TMCC1: variants seen among roughly 807,000 people sequenced by gnomAD.
TMCC1 encodes the protein transmembrane and coiled-coil domains protein 1.
TMCC1 carries 15 observed loss-of-function variants against 52.4 expected under a neutral mutation model. The ratio of observed to expected loss-of-function variants is 0.29; its 90% confidence interval spans 0.19 to 0.44. The LOEUF (loss-of-function observed/expected upper bound fraction) is 0.44. Among genes scored for constraint, TMCC1 ranks in the 20% least tolerant of loss-of-function variants. TMCC1 has a pLI of 1.00. For synonymous variants in TMCC1, 279 were observed against 301.9 expected (o/e 0.92, Z 0.79); for missense variants, 503 against 806.0 (o/e 0.62, Z 4.55).
chr3:129,655,772 G>A (rs1258471979), intron 5 of TMCC1, among the ~76,000 whole-genome samples: 1 of 152,212 alleles, frequency 6.6e-6, no homozygotes, highest in African/African-American at 2.4e-5. Flanking sequence ...TTTCCCATAT[G>A]GAGAAGTAAA....
intron 4 of TMCC1, among the ~76,000 whole-genome samples, chr3:129,718,461 C>A (rs2049280509): frequency 6.6e-6 from 1 of 152,182 alleles, no homozygotes; most frequent in Non-Finnish European, 1.5e-5. Flanking sequence ...TGAGACTTCT[C>A]TATTATTTTT....
At chr3:129,687,799 T>C (rs1269967676) in intron 4 of TMCC1, among the ~76,000 whole-genome samples, 2 of 152,246 alleles carry the variant, frequency 1.3e-5, no homozygotes, top group East Asian at 1.9e-4. Context: ...AGCCTATTAC[T>C]GTTCCAGTGG....
At chr3:129,764,919 A>G (rs1436764312) in intron 4 of TMCC1, among the ~76,000 whole-genome samples, 2 of 146,584 alleles carry the variant, frequency 1.4e-5, no homozygotes, top group Non-Finnish European at 3.0e-5. Flanking sequence ...CTCCTTCCTC[A>G]GCCTCCCAAG....
intron 4 of TMCC1, among the ~76,000 whole-genome samples, chr3:129,672,397 A>C (rs2088027590): frequency 6.6e-6 from 1 of 152,128 alleles, no homozygotes; most frequent in Non-Finnish European, 1.5e-5. Context: ...CAAGAGTTTA[A>C]GACCACCCTG....
At chr3:129,762,090 A>ATAG (rs888602036) in intron 4 of TMCC1, among the ~76,000 whole-genome samples, 16 of 147,028 alleles carry the variant, frequency 1.1e-4, no homozygotes, top group African/African-American at 3.3e-4. Flanking sequence ...AGGCTAAAGT[A>ATAG]TAGTGGTGTG....
chr3:129,739,248 G>A (rs1177454352), intron 4 of TMCC1, among the ~76,000 whole-genome samples: 4 of 151,762 alleles, frequency 2.6e-5, no homozygotes, highest in African/African-American at 7.3e-5. Context: ...GCTCACTGCA[G>A]CCTCTGCCTC....
chr3:129,873,388 C>T (rs1055479614), intron 2 of TMCC1, among the ~76,000 whole-genome samples: 1 of 143,344 alleles, frequency 7.0e-6, no homozygotes. Context: ...AAAAAAAAAA[C>T]GGACACAAGT....
intron 4 of TMCC1, among the ~76,000 whole-genome samples, chr3:129,820,251 T>C (rs1560486462): frequency 6.6e-6 from 1 of 151,694 alleles, no homozygotes; most frequent in Non-Finnish European, 1.5e-5. Context: ...CAACTTCATC[T>C]TGTTTCTTCA....
chr3:129,758,661 G>A (rs973530616), intron 4 of TMCC1, among the ~76,000 whole-genome samples: 3 of 152,094 alleles, frequency 2.0e-5, no homozygotes, highest in Admixed American at 6.5e-5. Flanking sequence ...AGATTTGTAT[G>A]GGTTTTTGTA....
chr3:129,814,817 TATAAAG>T (rs1272876595), intron 4 of TMCC1, among the ~76,000 whole-genome samples: 32 of 152,294 alleles, frequency 2.1e-4, no homozygotes, highest in South Asian at 2.1e-4. Flanking sequence ...TAGGTCACTA[TATAAAG>T]ATAAACTGGT....
intron 4 of TMCC1, among the ~76,000 whole-genome samples, chr3:129,790,220 C>A (rs929823076): frequency 1.1e-4 from 17 of 152,228 alleles, no homozygotes; most frequent in African/African-American, 3.4e-4. Context: ...TAAATGTGAA[C>A]TCCAAACTGA....
At position 129,827,928 on chromosome 3, in the gene TMCC1, A is replaced by C; in HGVS notation, c.451T>G (p.Ser151Ala). Residue 151 changes from serine (S) to alanine (A), a missense_variant, in exon 4 of 7, where the codon TCA becomes GCA. Physicochemically the swap from Ser to Ala is moderately conservative, Grantham distance 99. Transcript: ENST00000393238. ...SGQEMTAVMQ[S>A]GRPRSSSTTD... ...GTGGATGAAGACCTGGGTCGGCCTG[A>C]CTGCATAACAGCTGTCATCTCCTGA... 2 of 1,614,136 alleles carry C rather than the reference A, an allele frequency of 1.2e-6. No individual in the cohort carries two copies. Among genetic ancestry groups the C allele is most frequent in the Non-Finnish European group, 8.5e-7 (1 of 1,180,016 alleles).
intron 4 of TMCC1, among the ~76,000 whole-genome samples, chr3:129,778,931 G>A (rs958180301): frequency 9.2e-5 from 14 of 152,096 alleles, no homozygotes; most frequent in African/African-American, 3.4e-4. Flanking sequence ...AGTAGCATGA[G>A]AACAGACTAA....
chr3:129,880,678 A>G (rs1189251138), intron 1 of TMCC1, 119 bp from the exon 2 acceptor site: 2 of 152,168 alleles, frequency 1.3e-5, no homozygotes, highest in African/African-American at 4.8e-5. Flanking sequence ...AATGCCCCAA[A>G]ATCTGAAAAC....
intron 4 of TMCC1, among the ~76,000 whole-genome samples, chr3:129,698,982 C>A (rs953159525): frequency 4.5e-4 from 68 of 152,056 alleles, no homozygotes; most frequent in African/African-American, 1.6e-3. Context: ...CTGAGAAAAT[C>A]TGTTCTTTAA....
intron 4 of TMCC1, among the ~76,000 whole-genome samples, chr3:129,716,416 G>C (rs573364782): frequency 4.9e-5 from 7 of 142,198 alleles, no homozygotes; most frequent in African/African-American, 1.6e-4. Context: ...CTCACTGCAA[G>C]CTCTGTCTCC....
rs557032032 is a variant in TMCC1 at position 129,738,213 on chromosome 3, G to A, written c.577-66949C>T. 2.0e-5 allele frequency among the ~76,000 whole-genome samples: 3 copies of A among 148,214 alleles called. No homozygotes were observed. The East Asian group carries it at 6.0e-4, about 30-fold the overall frequency. On this transcript the variant is annotated intron_variant, in intron 4 of 6. Coordinates refer to ENST00000393238, the MANE Select transcript of TMCC1 (RefSeq NM_001017395.5). ...TTGAACCTGGGAGGCAGAGGTTGCA[G>A]TGAGCCGAGATTGTGCCATTGTACT...
chr3:129,666,353 C>T (rs1416644662), intron 5 of TMCC1, among the ~76,000 whole-genome samples: 1 of 152,174 alleles, frequency 6.6e-6, no homozygotes, highest in Non-Finnish European at 1.5e-5. Context: ...CATATCTAAG[C>T]TCTTTCCATT....
intron 4 of TMCC1, among the ~76,000 whole-genome samples, chr3:129,816,772 C>T (rs2058117918): frequency 6.6e-6 from 1 of 152,062 alleles, no homozygotes; most frequent in Non-Finnish European, 1.5e-5. Flanking sequence ...GCTTGTAATC[C>T]TAACACTTTA....
Sources: gnomAD v4.1 joint callset for allele counts (sites outside exome capture counted in the v4.1 genomes callset) on GRCh38, gnomAD v4.1.1 for gene constraint, MANE v1.5 for transcripts, NCBI Gene and HGNC (gene_info 2026-07-23, HGNC 2026-07-21) for gene names.